RBFOX3: variants seen among roughly 807,000 people sequenced by gnomAD.
RBFOX3 encodes the protein RNA binding protein fox-1 homolog 3.
In RBFOX3, 17 loss-of-function variants were observed where a neutral mutation model predicts 48.7. The observed-to-expected ratio is 0.35, with a 90% CI of 0.24 to 0.52. The LOEUF is 0.52. Among genes scored for constraint, RBFOX3 ranks in the 20% least tolerant of loss-of-function variants. The probability of loss-of-function intolerance (pLI) is 0.94; values close to 1 mark genes in which losing one functional copy is unlikely to be tolerated. For missense variants in RBFOX3, 382 were observed against 497.5 expected (o/e 0.77, Z 2.21); for synonymous variants, 212 against 209.5 (o/e 1.01, Z -0.10).
chr17:79,120,261 G>C (rs1419787653), intron 4 of RBFOX3, among the ~76,000 whole-genome samples: 1 of 152,162 alleles, frequency 6.6e-6, no homozygotes, highest in Non-Finnish European at 1.5e-5. Flanking sequence ...GTTCTACTCA[G>C]AAGAGTCTCA....
At chr17:79,344,450 G>C (rs777275728) in intron 2 of RBFOX3, among the ~76,000 whole-genome samples, 3 of 152,036 alleles carry the variant, frequency 2.0e-5, no homozygotes, top group Non-Finnish European at 4.4e-5. Flanking sequence ...CCCCCTACCA[G>C]AGCTGCTGCC....
chr17:79,401,280 C>T (rs959824770), intron 2 of RBFOX3, among the ~76,000 whole-genome samples: 1 of 152,210 alleles, frequency 6.6e-6, no homozygotes, highest in African/African-American at 2.4e-5. Context: ...CACGCCCCTG[C>T]GCACGCTGCT....
intron 1 of RBFOX3, among the ~76,000 whole-genome samples, chr17:79,528,801 T>A (rs1242123901): frequency 6.7e-6 from 1 of 149,220 alleles, no homozygotes; most frequent in Non-Finnish European, 1.5e-5. Context: ...TCCCCTAGAG[T>A]TTTCAGAGGG....
intron 1 of RBFOX3, among the ~76,000 whole-genome samples, chr17:79,575,245 G>A (rs1011368757): frequency 6.6e-6 from 1 of 152,242 alleles, no homozygotes; most frequent in Admixed American, 6.5e-5. Flanking sequence ...ACAAGGACAG[G>A]TATGAAACGC....
At chr17:79,135,324 G>T (rs966960838) in intron 4 of RBFOX3, among the ~76,000 whole-genome samples, 4 of 152,166 alleles carry the variant, frequency 2.6e-5, no homozygotes, top group African/African-American at 9.7e-5. Flanking sequence ...TGGGGAAGGA[G>T]CCAGGCCACC....
chr17:79,392,113 AG>A lies in RBFOX3; in HGVS notation c.-174-84290del, dbSNP rs2061447142. ...TGCGGGACCTTGGGCAAACTCTTTT[AG>A]CCTCAGCACCTTCCTCTGTGAAATG... On this transcript the variant is annotated intron_variant, in intron 2 of 14. Coordinates refer to ENST00000693108, the MANE Select transcript of RBFOX3 (RefSeq NM_001350451.2). This position sits in a 1 kb window ranked among gnomAD's most constrained non-coding sequence, Gnocchi z 5.0. Among the ~76,000 whole-genome samples, 2 of 152,206 alleles carry A rather than the reference AG, an allele frequency of 1.3e-5. No homozygotes were observed. Among genetic ancestry groups the A allele is most frequent in the South Asian group, 4.1e-4 (2 of 4,822 alleles).
At position 79,480,846 on chromosome 17, in the gene RBFOX3, C is replaced by T. The variant is rs1334303800; in HGVS notation, c.-175+1608G>A. Among the ~76,000 whole-genome samples the T allele has an allele frequency of 3.3e-5, 5 of 152,214 alleles. No individual in the cohort carries two copies. The highest frequency in any genetic ancestry group is 9.7e-5 in the African/African-American group (4 of 41,450). On this transcript the variant is annotated intron_variant, in intron 2 of 14. Coordinates refer to ENST00000693108, the MANE Select transcript of RBFOX3 (RefSeq NM_001350451.2). This position sits in a 1 kb window ranked among gnomAD's most constrained non-coding sequence, Gnocchi z 4.8. The stretch of plus-strand genomic sequence containing the variant: ...CATTTATCTTCACAGCGTTATGGCG[C>T]CTGACATACATTTATTCGCCATGTC...
chr17:79,248,426 T>C (rs2063477088), intron 3 of RBFOX3, among the ~76,000 whole-genome samples: 1 of 152,122 alleles, frequency 6.6e-6, no homozygotes, highest in East Asian at 1.9e-4. Context: ...CAGGTGTCTG[T>C]CCCTGGAAGG....
chr17:79,556,179 C>A (rs2091740911), intron 1 of RBFOX3, among the ~76,000 whole-genome samples: 2 of 152,190 alleles, frequency 1.3e-5, no homozygotes, highest in African/African-American at 4.8e-5. Flanking sequence ...CCAGCCAGGC[C>A]TAGAGAAGAC....
intron 1 of RBFOX3, among the ~76,000 whole-genome samples, chr17:79,533,867 G>A (rs892524017): frequency 5.9e-5 from 9 of 152,304 alleles, no homozygotes; most frequent in African/African-American, 1.9e-4. Flanking sequence ...CCACTAACCC[G>A]AAATAACTCC....
intron 4 of RBFOX3, among the ~76,000 whole-genome samples, chr17:79,163,297 G>C (rs995154033): frequency 1.3e-5 from 2 of 152,236 alleles, no homozygotes; most frequent in Non-Finnish European, 2.9e-5. Flanking sequence ...GAAAGCCGCA[G>C]GCCCGGGGCC....
intron 1 of RBFOX3, among the ~76,000 whole-genome samples, chr17:79,520,444 G>A (rs1245901713): frequency 1.3e-5 from 2 of 152,162 alleles, no homozygotes; most frequent in African/African-American, 2.4e-5. Flanking sequence ...CTGTGCGCAC[G>A]TGCCAGGGTC....
At chr17:79,322,508 G>A (rs2078681809) in intron 2 of RBFOX3, among the ~76,000 whole-genome samples, 1 of 152,224 alleles carries the variant, frequency 6.6e-6, no homozygotes, top group Non-Finnish European at 1.5e-5. Flanking sequence ...TGGGCTAGTA[G>A]ATTGCAGAGC....
upstream of RBFOX3, among the ~76,000 whole-genome samples, chr17:79,611,964 G>C (rs1285017512): frequency 6.6e-6 from 1 of 152,158 alleles, no homozygotes; most frequent in East Asian, 1.9e-4. Flanking sequence ...AGAGTAAGGG[G>C]CCTGGTGTGA....
chr17:79,579,956 TGGGGAGTCACTGGGTC>T (rs1397431875), intron 1 of RBFOX3, among the ~76,000 whole-genome samples: 1 of 146,730 alleles, frequency 6.8e-6, no homozygotes, highest in Non-Finnish European at 1.5e-5. Flanking sequence ...GTCACAGGGT[TGGGGAGTCACTGGGTC>T]GGGGAGTCAC....
chr17:79,162,368 G>A (rs142892618), intron 4 of RBFOX3, among the ~76,000 whole-genome samples: 105 of 152,240 alleles, frequency 6.9e-4, no homozygotes, highest in Admixed American at 1.7e-3. Flanking sequence ...GGACAAGGCC[G>A]CCCCCAGCCC....
the RBFOX3 span, among the ~76,000 whole-genome samples, chr17:79,638,541 G>T: frequency 6.6e-6 from 1 of 152,156 alleles, no homozygotes; most frequent in Non-Finnish European, 1.5e-5. Context: ...GAGTCAGGAA[G>T]AAATAGAAAG....
At chr17:79,179,720 T>C (rs2051440516) in intron 4 of RBFOX3, among the ~76,000 whole-genome samples, 1 of 152,226 alleles carries the variant, frequency 6.6e-6, no homozygotes, top group African/African-American at 2.4e-5. Flanking sequence ...CCTCTCAAAC[T>C]TGGTCCACTG....
In RBFOX3 at chr17:79,309,302, A is replaced by G. The variant is rs1254315893; in HGVS notation, c.-174-1478T>C. The stretch of plus-strand genomic sequence containing the variant: ...TCACATGATTGGGGTCTCCGCTGAA[A>G]CTTTGGACTCTTCCTCCCTCCACCT... On this transcript the variant is annotated intron_variant, in intron 2 of 14. Transcript: ENST00000693108. Among the ~76,000 whole-genome samples, 3 of 151,862 alleles carry G rather than the reference A, an allele frequency of 2.0e-5. No individual in the cohort carries two copies. The East Asian group carries it at 5.8e-4, about 29-fold the overall frequency.
Sources: allele counts gnomAD v4.1 joint callset (sites outside exome capture counted in the v4.1 genomes callset), GRCh38; gene constraint gnomAD v4.1.1; non-coding constraint Gnocchi (gnomAD v3.1); transcripts MANE v1.5; gene names NCBI Gene and HGNC (gene_info 2026-07-23, HGNC 2026-07-21).